The following IL1RAPL1 variants were observed in gnomAD, a reference collection of about 807,000 sequenced individuals.
IL1RAPL1 encodes the protein interleukin 1 receptor accessory protein like 1.
Under a neutral mutation model 48.4 loss-of-function variants are expected in IL1RAPL1, and 3 were observed. The observed-to-expected ratio is 0.06, with a 90% CI of 0.03 to 0.16. IL1RAPL1 has a LOEUF of 0.16. Among genes scored for constraint, IL1RAPL1 ranks in the 10% least tolerant of loss-of-function variants. The pLI, the probability that IL1RAPL1 is intolerant of heterozygous loss-of-function variation, is 1.00. For missense variants in IL1RAPL1, 349 were observed against 530.6 expected (o/e 0.66, Z 3.36); for synonymous variants, 185 against 187.7 (o/e 0.99, Z 0.12).
In IL1RAPL1 at chrX:29,399,243, A is replaced by C; in HGVS notation, c.638A>C (p.Asn213Thr). 1 of 1,199,488 alleles carries C rather than the reference A, an allele frequency of 8.3e-7. No individual in the cohort carries two copies. The highest frequency in any genetic ancestry group is 1.1e-6 in the Non-Finnish European group (1 of 884,314). The change falls in exon 5 of 11, where the codon AAT (asparagine) becomes ACT (threonine). Residue 213 changes from asparagine (N) to threonine (T), a missense_variant. By Grantham distance (65) the Asn-to-Thr change is moderately conservative. Around this residue, in one of 3 missense-constraint regions of IL1RAPL1, gnomAD observed 238 missense variants for 337.8 expected, o/e 0.70. Coordinates refer to ENST00000378993, the MANE Select transcript of IL1RAPL1 (RefSeq NM_014271.4). ...GAAGTCAGAGAAGATGACATTGGAA[A>C]TTATACCTGTGAATTAAAATATGGA... is the stretch of plus-strand genomic sequence containing the variant. ...IREVREDDIG[N>T]YTCELKYGGF... is the part of the protein sequence containing the mutation.
chrX:29,138,631 G>A (rs1387951877), intron 2 of IL1RAPL1, among the ~76,000 whole-genome samples: 2 of 104,906 alleles, frequency 1.9e-5, no homozygotes, highest in African/African-American at 3.5e-5. Flanking sequence ...AAAAAAATTA[G>A]CAGGACTTGG....
At chrX:29,311,767 T>C (rs1932728496) in intron 3 of IL1RAPL1, among the ~76,000 whole-genome samples, 1 of 112,007 alleles carries the variant, frequency 8.9e-6, no homozygotes, top group Non-Finnish European at 1.9e-5. Context: ...ATTTAGTTCA[T>C]CACGAAATTC....
chrX:28,963,953 G>C (rs1238649681), intron 2 of IL1RAPL1, among the ~76,000 whole-genome samples: 2 of 110,642 alleles, frequency 1.8e-5, no homozygotes, highest in African/African-American at 3.3e-5. Flanking sequence ...AATTTTCTCT[G>C]TGTATTGTGC....
At chrX:29,892,636 G>A (rs1346890969) in intron 6 of IL1RAPL1, among the ~76,000 whole-genome samples, 2 of 112,375 alleles carry the variant, frequency 1.8e-5, no homozygotes, top group East Asian at 2.8e-4. Flanking sequence ...TTTCTGCATG[G>A]ACTGGATCAA....
intron 2 of IL1RAPL1, among the ~76,000 whole-genome samples, chrX:29,046,035 C>T (rs201074226): frequency 1.2e-5 from 1 of 80,497 alleles, no homozygotes; most frequent in Non-Finnish European, 2.1e-5. Flanking sequence ...CTCTTCTTCT[C>T]CTCCTCCTCC....
At chrX:29,416,493 C>T (rs944564256) in intron 5 of IL1RAPL1, among the ~76,000 whole-genome samples, 6 of 110,799 alleles carry the variant, frequency 5.4e-5, no homozygotes, top group African/African-American at 1.6e-4. Context: ...GCCAAAATCG[C>T]GCCACTGCAC....
intron 6 of IL1RAPL1, among the ~76,000 whole-genome samples, chrX:29,686,880 G>A (rs1010496108): frequency 8.2e-5 from 9 of 110,084 alleles, no homozygotes; most frequent in African/African-American, 3.0e-4. Flanking sequence ...TATTACATCT[G>A]GAAGGGAAGC....
At chrX:28,710,200 T>C (rs1935423846) in intron 1 of IL1RAPL1, among the ~76,000 whole-genome samples, 1 of 111,454 alleles carries the variant, frequency 9.0e-6, no homozygotes, top group Non-Finnish European at 1.9e-5. Flanking sequence ...AAACAGATCA[T>C]ACTAAACAAA....
At chrX:28,985,965 G>A (rs949161552) in intron 2 of IL1RAPL1, among the ~76,000 whole-genome samples, 5 of 111,936 alleles carry the variant, frequency 4.5e-5, no homozygotes, top group Admixed American at 2.8e-4. Context: ...GGCCCCTAAC[G>A]AGCACATTTT....
chrX:28,706,512 A>C (rs762541661), intron 1 of IL1RAPL1, among the ~76,000 whole-genome samples: 1 of 109,804 alleles, frequency 9.1e-6, no homozygotes, highest in East Asian at 2.9e-4. Context: ...TCGCGGGTTC[A>C]AGTGATTCTC....
intron 5 of IL1RAPL1, among the ~76,000 whole-genome samples, chrX:29,575,149 C>G: frequency 8.9e-6 from 1 of 111,962 alleles, no homozygotes; most frequent in South Asian, 3.8e-4. Context: ...TCCACCTTTT[C>G]AGGTATCTTT....
At chrX:28,857,694 A>G (rs1331135668) in intron 2 of IL1RAPL1, among the ~76,000 whole-genome samples, 1 of 111,513 alleles carries the variant, frequency 9.0e-6, no homozygotes, top group African/African-American at 3.3e-5. Context: ...ATTTCTTTCA[A>G]AATATTACTG....
At chrX:28,791,008 A>T (rs1936532979) in intron 2 of IL1RAPL1, among the ~76,000 whole-genome samples, 1 of 112,111 alleles carries the variant, frequency 8.9e-6, no homozygotes, top group Non-Finnish European at 1.9e-5. Flanking sequence ...AAGTATTATA[A>T]CAAAATGACA....
intron 3 of IL1RAPL1, among the ~76,000 whole-genome samples, chrX:29,303,255 C>T (rs762874678): frequency 9.0e-6 from 1 of 111,467 alleles, no homozygotes; most frequent in South Asian, 3.8e-4. Context: ...GGACTTAGGC[C>T]ATGATAGTGG....
At chrX:29,123,910 TG>T (rs1415782841) in intron 2 of IL1RAPL1, among the ~76,000 whole-genome samples, 1 of 108,964 alleles carries the variant, frequency 9.2e-6, no homozygotes, top group African/African-American at 3.4e-5. Context: ...TTAGATAGAT[TG>T]TGTTAAATAT....
chrX:28,752,799 T>C (rs1315572021), intron 1 of IL1RAPL1, among the ~76,000 whole-genome samples: 1 of 105,437 alleles, frequency 9.5e-6, no homozygotes, highest in Non-Finnish European at 1.9e-5. Context: ...CAGCTTCACC[T>C]GTATATGACT....
At chrX:29,329,705 C>T (rs1847054282) in intron 3 of IL1RAPL1, among the ~76,000 whole-genome samples, 1 of 108,144 alleles carries the variant, frequency 9.2e-6, no homozygotes, top group Non-Finnish European at 1.9e-5. Flanking sequence ...CCCAGATACT[C>T]GGGAGGCTGA....
intron 2 of IL1RAPL1, among the ~76,000 whole-genome samples, chrX:28,849,844 T>C (rs1406898113): frequency 5.3e-5 from 6 of 112,193 alleles, no homozygotes. Flanking sequence ...TTTGTCCCTG[T>C]CTTATGAATC....
intron 1 of IL1RAPL1, among the ~76,000 whole-genome samples, chrX:28,764,046 C>A (rs970455500): frequency 9.0e-6 from 1 of 111,370 alleles, no homozygotes. Flanking sequence ...TGCTAAATTA[C>A]CATTACCAAA....
Sources: gnomAD v4.1 joint callset for allele counts (sites outside exome capture counted in the v4.1 genomes callset) on GRCh38, gnomAD v4.1.1 for gene constraint, gnomAD v4.1.1 regional missense constraint, MANE v1.5 for transcripts, NCBI Gene and HGNC (gene_info 2026-07-23, HGNC 2026-07-21) for gene names.